Variants in SLC44A5 observed in about 807,000 individuals in gnomAD.
The protein encoded by SLC44A5 is solute carrier family 44 member 5.
A neutral mutation model predicts 101.8 loss-of-function variants in SLC44A5; 57 were observed. The ratio of observed to expected loss-of-function variants is 0.56; its 90% CI spans 0.45 to 0.70. SLC44A5 has a LOEUF of 0.70. SLC44A5 is among the 30% of genes least tolerant of loss of function. SLC44A5 has a pLI of 0.00. For missense variants in SLC44A5, 737 were observed against 853.1 expected, an observed-to-expected ratio of 0.86 and a Z score of 1.70; for synonymous variants, 281 against 290.9, an observed-to-expected ratio of 0.97 and a Z score of 0.35.
At chr1:75,667,746 G>A in the SLC44A5 span, among the ~76,000 whole-genome samples, 1 of 152,132 alleles carries the variant, frequency 6.6e-6, no homozygotes, top group African/African-American at 2.4e-5. Flanking sequence ...ATGAAGTGCC[G>A]AACTAAGAGG....
chr1:75,688,124 A>G, the SLC44A5 span, among the ~76,000 whole-genome samples: 1 of 152,332 alleles, frequency 6.6e-6, no homozygotes, highest in African/African-American at 2.4e-5. Context: ...AACCTACACC[A>G]AGTAGTTCTG....
At chr1:75,504,880 C>T (rs1669160956) in intron 2 of SLC44A5, among the ~76,000 whole-genome samples, 1 of 152,034 alleles carries the variant, frequency 6.6e-6, no homozygotes, top group East Asian at 1.9e-4. Flanking sequence ...GGGATACATA[C>T]ATAGGTTTGT....
intron 2 of SLC44A5, among the ~76,000 whole-genome samples, chr1:75,403,820 A>G (rs1322601839): frequency 6.6e-6 from 1 of 152,088 alleles, no homozygotes; most frequent in East Asian, 1.9e-4. Flanking sequence ...CCTCACCAGC[A>G]AGGGAACAAA....
At chr1:75,362,540 C>G (rs1263345225) in intron 3 of SLC44A5, among the ~76,000 whole-genome samples, 7 of 151,882 alleles carry the variant, frequency 4.6e-5, no homozygotes, top group Admixed American at 4.6e-4. Flanking sequence ...TTCTTCTTGA[C>G]TATTGATAAT....
In SLC44A5 at chr1:75,510,079, T is replaced by C. The variant is rs1452974835; in HGVS notation, c.13+31356A>G. Among the ~76,000 whole-genome samples the C allele has an allele frequency of 2.6e-5, 4 of 152,292 alleles. No individual in the cohort carries two copies. In the East Asian group the frequency reaches 7.7e-4, roughly 29 times the overall value. On this transcript the variant is annotated intron_variant, in intron 2 of 23. Coordinates refer to ENST00000370859, the MANE Select transcript of SLC44A5 (RefSeq NM_001130058.2). ...CAGATCTCATGAGACTTATTCACTA[T>C]CATGGGAACAGCATGGGAAAGACCC...
Position 75,528,106 on chromosome 1 carries a change from A to AT in SLC44A5, c.13+13328dup, listed in dbSNP as rs141087094. Among the ~76,000 whole-genome samples the AT allele has an allele frequency of 4.0e-5, 6 of 151,790 alleles. No homozygotes were observed. In the East Asian group the frequency reaches 7.7e-4, roughly 20 times the overall value. ...TGGGAACACTATTTATCTTTAAGCT[A>AT]TTTTTTTTCCAGTTCTGAGAACCAC... On this transcript the variant is annotated intron_variant, in intron 2 of 23. Transcript: ENST00000370859.
At chr1:75,231,445 C>T (rs1339939421) in intron 12 of SLC44A5, among the ~76,000 whole-genome samples, 1 of 152,168 alleles carries the variant, frequency 6.6e-6, no homozygotes, top group African/African-American at 2.4e-5. Flanking sequence ...TTACTTTCCT[C>T]CTACTAGTGA....
intron 3 of SLC44A5, chr1:75,357,046 C>G (rs902669175): frequency 2.6e-5 from 10 of 382,808 alleles, no homozygotes; most frequent in African/African-American, 1.7e-4. Context: ...CCTTAAGTGG[C>G]ACATCGTTGC....
At chr1:75,280,655 G>A (rs571501093) in intron 5 of SLC44A5, among the ~76,000 whole-genome samples, 24 of 150,878 alleles carry the variant, frequency 1.6e-4, no homozygotes, top group Non-Finnish European at 2.8e-4. Flanking sequence ...GAGGGATCTC[G>A]TGGGAGGTGA....
At chr1:75,574,809 G>A (rs1673273796) in intron 1 of SLC44A5, among the ~76,000 whole-genome samples, 1 of 152,128 alleles carries the variant, frequency 6.6e-6, no homozygotes, top group African/African-American at 2.4e-5. Context: ...GGTACATAAG[G>A]GAGAAGACTG....
chr1:75,449,603 C>T (rs1665779741), intron 2 of SLC44A5, among the ~76,000 whole-genome samples: 2 of 152,110 alleles, frequency 1.3e-5, no homozygotes, highest in African/African-American at 4.8e-5. Context: ...ATTAAATGGG[C>T]CTTTCAGAAC....
intron 1 of SLC44A5, among the ~76,000 whole-genome samples, chr1:75,564,843 C>T (rs540037873): frequency 9.2e-5 from 14 of 152,058 alleles, no homozygotes; most frequent in Non-Finnish European, 1.8e-4. Flanking sequence ...AGGATGGTCT[C>T]GATCTCCTGA....
chr1:75,287,419 C>G, intron 5 of SLC44A5, among the ~76,000 whole-genome samples: 1 of 80,168 alleles, frequency 1.2e-5, no homozygotes, highest in African/African-American at 4.6e-5. Flanking sequence ...AATTGACCTT[C>G]TGAATTCTTT....
intron 2 of SLC44A5, among the ~76,000 whole-genome samples, chr1:75,467,179 G>A (rs997191268): frequency 2.6e-5 from 4 of 151,950 alleles, no homozygotes; most frequent in Non-Finnish European, 5.9e-5. Context: ...AGAAATTTAA[G>A]AGGACACCAA....
intron 2 of SLC44A5, among the ~76,000 whole-genome samples, chr1:75,416,227 G>T (rs1006418570): frequency 6.6e-6 from 1 of 152,172 alleles, no homozygotes; most frequent in Non-Finnish European, 1.5e-5. Context: ...CTAGGGACTT[G>T]TTGCTCTGTG....
chr1:75,512,846 A>G (rs1406862665), intron 2 of SLC44A5, among the ~76,000 whole-genome samples: 11 of 152,200 alleles, frequency 7.2e-5, no homozygotes, highest in Non-Finnish European at 1.6e-4. Context: ...TACATTTCCC[A>G]CAGATATTTT....
rs770433905 is a variant in SLC44A5, at chr1:75,238,641, A to G, written c.533-5T>C. 3.9e-6 allele frequency: 6 copies of G among 1,537,226 alleles called. No homozygotes were observed. The South Asian group carries it at 7.3e-5, about 19-fold the overall frequency. On this transcript the variant is annotated splice_region_variant and splice_polypyrimidine_tract_variant and intron_variant, in intron 9 of 23. Transcript: ENST00000370859. ...CAGGGAAACATCTCTGGAGAACTGT[A>G]AAAATAAATTAAAATTATTGTAATC...
chr1:75,525,696 G>A (rs1670369610), intron 2 of SLC44A5, among the ~76,000 whole-genome samples: 1 of 152,032 alleles, frequency 6.6e-6, no homozygotes, highest in Non-Finnish European at 1.5e-5. Context: ...AATATAAATT[G>A]GTTATATTAT....
chr1:75,293,305 A>C (rs1653709658), intron 5 of SLC44A5, among the ~76,000 whole-genome samples: 1 of 152,190 alleles, frequency 6.6e-6, no homozygotes, highest in Non-Finnish European at 1.5e-5. Flanking sequence ...GTTGTGCTCT[A>C]GGGTTGAGTC....
Sources: gnomAD v4.1 joint callset for allele counts (sites outside exome capture counted in the v4.1 genomes callset) on GRCh38, gnomAD v4.1.1 for gene constraint, MANE v1.5 for transcripts, NCBI Gene and HGNC (gene_info 2026-07-23, HGNC 2026-07-21) for gene names.